Variants in CLVS1 observed in about 807,000 individuals in gnomAD.
CLVS1 encodes the protein clavesin 1.
Under a neutral mutation model 33.1 loss-of-function variants are expected in CLVS1, and 10 were observed. The observed-to-expected ratio is 0.30, with a 90% CI of 0.19 to 0.51. CLVS1 has a LOEUF of 0.51. Among genes scored for constraint, CLVS1 ranks in the 20% least tolerant of loss-of-function variants. CLVS1 has a pLI of 0.97. For missense variants in CLVS1, 343 were observed against 433.4 expected, an observed-to-expected ratio of 0.79 and a Z score of 1.85; for synonymous variants, 163 against 166.1, an observed-to-expected ratio of 0.98 and a Z score of 0.14.
the CLVS1 span, among the ~76,000 whole-genome samples, chr8:61,012,677 G>C: frequency 6.6e-6 from 1 of 152,180 alleles, no homozygotes; most frequent in Non-Finnish European, 1.5e-5. Flanking sequence ...TCCTCGTCCA[G>C]CTTCATCCAT....
At chr8:61,251,646 G>T (rs1174448957) in intron 2 of CLVS1, among the ~76,000 whole-genome samples, 2 of 152,134 alleles carry the variant, frequency 1.3e-5, no homozygotes, top group Non-Finnish European at 2.9e-5. Flanking sequence ...ACTTGGGAGA[G>T]TGTATGTGTT....
intron 3 of CLVS1, among the ~76,000 whole-genome samples, chr8:61,402,143 T>C (rs1465473832): frequency 6.6e-6 from 1 of 152,002 alleles, no homozygotes; most frequent in Admixed American, 6.6e-5. Context: ...CATAAATTAA[T>C]AAAAATACTG....
At chr8:61,360,440 CCAATCAAT>C (rs144687236) in intron 2 of CLVS1, among the ~76,000 whole-genome samples, 3,497 of 152,068 alleles carry the variant, frequency 0.023, 152 homozygotes, top group South Asian at 0.1. Flanking sequence ...AACAGAATTG[CCAATCAAT>C]CAATCAATCA....
chr8:61,481,119 G>T (rs1818178221), intron 5 of CLVS1, among the ~76,000 whole-genome samples: 3 of 152,082 alleles, frequency 2.0e-5, no homozygotes, highest in Admixed American at 2.0e-4. Flanking sequence ...GACCTGTGAG[G>T]GCTGAGTAAG....
intron 2 of CLVS1, among the ~76,000 whole-genome samples, chr8:61,165,834 T>C (rs1806851461): frequency 6.6e-6 from 1 of 152,124 alleles, no homozygotes; most frequent in South Asian, 2.1e-4. Context: ...ACTTACAGAG[T>C]TTGACTCTTT....
In CLVS1 at chr8:61,198,096, TA is replaced by T. The variant is rs1474898272; in HGVS notation, c.-152+66240del. Among the ~76,000 whole-genome samples the T allele has an allele frequency of 2.1e-5, 3 of 146,162 alleles. No homozygotes were observed. The East Asian group carries it at 5.9e-4, about 29-fold the overall frequency. ...TGCTATTCTGTGTGCAGATAGTTGT[TA>T]AAATTTGGTGTTCCTTCCAGAGGTA... is the stretch of plus-strand genomic sequence containing the variant. On this transcript the variant is annotated intron_variant, in intron 2 of 2. Transcript: ENST00000522621.
intron 2 of CLVS1, among the ~76,000 whole-genome samples, chr8:61,371,829 A>G (rs1468557302): frequency 6.6e-6 from 1 of 152,202 alleles, no homozygotes; most frequent in Non-Finnish European, 1.5e-5. Flanking sequence ...GTCACTATTC[A>G]TAATCTCTAA....
At chr8:60,969,430 C>T in the CLVS1 span, among the ~76,000 whole-genome samples, 3 of 152,122 alleles carry the variant, frequency 2.0e-5, no homozygotes, top group Non-Finnish European at 4.4e-5. Flanking sequence ...GTTTCCAATT[C>T]GGTATCTTAC....
At chr8:61,114,060 A>T (rs1232059781) in intron 1 of CLVS1, among the ~76,000 whole-genome samples, 1 of 152,284 alleles carries the variant, frequency 6.6e-6, no homozygotes, top group Non-Finnish European at 1.5e-5. Context: ...GCAACCACAG[A>T]TGATATGTAA....
At chr8:61,352,802 A>G (rs945091202) in intron 2 of CLVS1, among the ~76,000 whole-genome samples, 3 of 152,066 alleles carry the variant, frequency 2.0e-5, no homozygotes, top group Non-Finnish European at 4.4e-5. Flanking sequence ...CAATACAACA[A>G]TAAAAAATAA....
chr8:61,260,840 T>A (rs1261549128), intron 2 of CLVS1, among the ~76,000 whole-genome samples: 1 of 151,394 alleles, frequency 6.6e-6, no homozygotes, highest in Non-Finnish European at 1.5e-5. Context: ...CAAGGGGGAG[T>A]AGATAACCAT....
At chr8:61,092,393 A>G (rs1490796372) in intron 1 of CLVS1, among the ~76,000 whole-genome samples, 6 of 152,214 alleles carry the variant, frequency 3.9e-5, no homozygotes, top group Non-Finnish European at 7.3e-5. Flanking sequence ...TCATAGGAAG[A>G]GGTGGAGCGT....
chr8:61,202,552 G>T, intron 2 of CLVS1: 1 of 1,173,368 alleles, frequency 8.5e-7, no homozygotes. Flanking sequence ...AATGAATTAC[G>T]AAGGCAGCCC....
intron 3 of CLVS1, among the ~76,000 whole-genome samples, chr8:61,402,053 G>A (rs1455646641): frequency 2.6e-5 from 4 of 151,942 alleles, no homozygotes; most frequent in African/African-American, 9.7e-5. Context: ...TTATTCACAA[G>A]GCCTGGAACC....
chr8:61,399,864 T>C (rs1357849436), intron 3 of CLVS1, among the ~76,000 whole-genome samples: 1 of 152,226 alleles, frequency 6.6e-6, no homozygotes, highest in Non-Finnish European at 1.5e-5. Flanking sequence ...GTCATATTTC[T>C]GGGATGTCTA....
chr8:61,318,494 T>G (rs977684256), intron 2 of CLVS1, among the ~76,000 whole-genome samples: 2 of 152,204 alleles, frequency 1.3e-5, no homozygotes, highest in African/African-American at 4.8e-5. Context: ...GCTCAGATTT[T>G]CAATCTCAGG....
chr8:61,261,103 G>A (rs993121441), intron 2 of CLVS1, among the ~76,000 whole-genome samples: 4 of 152,116 alleles, frequency 2.6e-5, no homozygotes, highest in South Asian at 2.1e-4. Flanking sequence ...TCAAGCATCT[G>A]TGGCTTGAGC....
chr8:61,059,499 T>TATATATACAC lies in CLVS1; in HGVS notation c.-243+2270_-243+2271insTATATACACA, dbSNP rs1265187479. 4.2e-5 allele frequency among the ~76,000 whole-genome samples: 4 copies of TATATATACAC among 96,352 alleles called. 1 individual carries two copies. The East Asian group carries it at 2.2e-3, about 53-fold the overall frequency. The allele number at this position is 96,352 out of a possible 152,430, so 63.2% of individuals were successfully genotyped here. A position where few individuals can be genotyped will look rare whatever the true frequency, so the allele number is the denominator to read the frequency against. ...ACATATATATATATATATATATATA[T>TATATATACAC]ACACATATCTTGAAAATAGCACGAG... is the stretch of plus-strand genomic sequence containing the variant. On this transcript the variant is annotated intron_variant, in intron 1 of 2. Coordinates refer to the CLVS1 transcript ENST00000522621.
intron 2 of CLVS1, among the ~76,000 whole-genome samples, chr8:61,174,934 T>C (rs895189694): frequency 6.6e-6 from 1 of 152,220 alleles, no homozygotes; most frequent in Non-Finnish European, 1.5e-5. Context: ...ATAAGAGCTG[T>C]TTGTTGTTAA....
Sources: gnomAD v4.1 joint callset for allele counts (sites outside exome capture counted in the v4.1 genomes callset) on GRCh38, gnomAD v4.1.1 for gene constraint, MANE v1.5 for transcripts, NCBI Gene and HGNC (gene_info 2026-07-23, HGNC 2026-07-21) for gene names.